Variants in DRC2 observed in about 807,000 individuals in gnomAD.
The protein encoded by DRC2 is dynein regulatory complex subunit 2.
the DRC2 span, among the ~76,000 whole-genome samples, chr12:48,909,035 CTCTT>C: frequency 5.6e-5 from 7 of 125,344 alleles, no homozygotes; most frequent in African/African-American, 1.5e-4. Flanking sequence ...ACTTTTCTTT[CTCTT>C]TTTTTTTTTT....
At chr12:48,920,228 G>T in the DRC2 span, among the ~76,000 whole-genome samples, 2 of 150,200 alleles carry the variant, frequency 1.3e-5, no homozygotes, top group African/African-American at 2.4e-5. Context: ...GATTACTTGA[G>T]GTTGGGAGTT....
chr12:48,904,150 G>A, the DRC2 span: 3 of 684,634 alleles, frequency 4.4e-6, no homozygotes, highest in East Asian at 2.8e-5. Context: ...TCTTACAGTG[G>A]GAGAGCTCAG....
At chr12:48,917,181 T>A in the DRC2 span, 1 of 1,558,600 alleles carries the variant, frequency 6.4e-7, no homozygotes, top group Non-Finnish European at 8.8e-7. Context: ...CTGGGCACAG[T>A]GGCTCACACC....
At chr12:48,911,988 G>A in the DRC2 span, among the ~76,000 whole-genome samples, 3 of 151,972 alleles carry the variant, frequency 2.0e-5, no homozygotes, top group South Asian at 6.2e-4. Context: ...GGCTGGGCAC[G>A]GTGGCTCACA....
chr12:48,918,943 A>C, the DRC2 span: 2 of 1,516,736 alleles, frequency 1.3e-6, no homozygotes, highest in Non-Finnish European at 1.8e-6. Context: ...AAGTCAAGGA[A>C]CCTGCCTCCC....
the DRC2 span, chr12:48,918,688 G>A: frequency 1.2e-6 from 2 of 1,612,930 alleles, no homozygotes; most frequent in African/African-American, 2.7e-5. Flanking sequence ...CCTCTAGGAT[G>A]CCATAACTAT....
chr12:48,919,278 G>A, the DRC2 span, among the ~76,000 whole-genome samples: 4 of 150,794 alleles, frequency 2.7e-5, no homozygotes, highest in Non-Finnish European at 1.5e-5. Flanking sequence ...CCAGGCTGGA[G>A]TGCAGTGGCA....
At chr12:48,909,042 T>TC in the DRC2 span, among the ~76,000 whole-genome samples, 1 of 142,744 alleles carries the variant, frequency 7.0e-6, no homozygotes, top group Non-Finnish European at 1.5e-5. Context: ...TTTCTCTTTT[T>TC]TTTTTTTTTT....
At chr12:48,909,235 G>A in the DRC2 span, among the ~76,000 whole-genome samples, 827 of 151,658 alleles carry the variant, frequency 5.5e-3, 5 homozygotes, top group Middle Eastern at 0.024. Context: ...TAGAGACGGG[G>A]TTTCTCTATG....
chr12:48,914,569 G>C, the DRC2 span: 2 of 1,613,870 alleles, frequency 1.2e-6, no homozygotes, highest in Non-Finnish European at 1.7e-6. Flanking sequence ...GTTTGAGACA[G>C]AAAGGTATGG....
the DRC2 span, among the ~76,000 whole-genome samples, chr12:48,907,551 T>C: frequency 6.6e-6 from 1 of 152,220 alleles, no homozygotes; most frequent in Non-Finnish European, 1.5e-5. Context: ...ACATATTAAA[T>C]GTGGAAATGT....
chr12:48,921,159 C>T, the DRC2 span: 20 of 1,613,052 alleles, frequency 1.2e-5, no homozygotes, highest in South Asian at 1.1e-4. Context: ...CCTGTAACTC[C>T]ACTCCCAGGT....
At chr12:48,916,224 G>A in the DRC2 span, among the ~76,000 whole-genome samples, 3 of 152,170 alleles carry the variant, frequency 2.0e-5, no homozygotes, top group East Asian at 1.9e-4. Flanking sequence ...CTGCAATCTC[G>A]GCACTTCGGG....
At chr12:48,913,373 A>G in the DRC2 span, among the ~76,000 whole-genome samples, 5 of 150,884 alleles carry the variant, frequency 3.3e-5, no homozygotes, top group Admixed American at 1.3e-4. Flanking sequence ...GCGTGATCTC[A>G]GCTCAATGCA....
chr12:48,917,163 C>T, the DRC2 span: 3 of 1,602,458 alleles, frequency 1.9e-6, no homozygotes, highest in Non-Finnish European at 2.6e-6. Flanking sequence ...GAAAAATGCT[C>T]AAGGAGGCTG....
the DRC2 span, among the ~76,000 whole-genome samples, chr12:48,907,820 G>T: frequency 8.5e-5 from 13 of 152,192 alleles, no homozygotes; most frequent in Non-Finnish European, 1.9e-4. Context: ...ACATAAATCA[G>T]TCACTCCAGT....
the DRC2 span, chr12:48,914,541 G>A: frequency 6.2e-7 from 1 of 1,614,128 alleles, no homozygotes; most frequent in African/African-American, 1.3e-5. Flanking sequence ...ACATGGAGCT[G>A]GAAGCCCTAA....
At chr12:48,904,943 C>T in the DRC2 span, 3 of 1,585,830 alleles carry the variant, frequency 1.9e-6, no homozygotes, top group East Asian at 2.3e-5. Context: ...TTCCTTCACA[C>T]AGGACAAGCT....
chr12:48,914,528 A>G, the DRC2 span: 2 of 1,614,174 alleles, frequency 1.2e-6, no homozygotes, highest in Admixed American at 3.3e-5. Flanking sequence ...GAGGAAAGTT[A>G]CAACATGGAG....
Sources: allele counts gnomAD v4.1 joint callset (sites outside exome capture counted in the v4.1 genomes callset), GRCh38; gene constraint gnomAD v4.1.1; transcripts MANE v1.5; gene names NCBI Gene and HGNC (gene_info 2026-07-23, HGNC 2026-07-21).